Variants in PDGFRA observed in about 807,000 individuals in gnomAD.
PDGFRA encodes platelet-derived growth factor receptor alpha.
A neutral mutation model predicts 121.5 loss-of-function variants in PDGFRA; 25 were observed. The ratio of observed to expected loss-of-function variants is 0.21; its 90% CI spans 0.15 to 0.29. The LOEUF (loss-of-function observed/expected upper bound fraction) is 0.29. Among genes scored for constraint, PDGFRA ranks in the 10% least tolerant of loss-of-function variants. The pLI is 1.00. For synonymous variants in PDGFRA, 463 were observed against 494.8 expected, an observed-to-expected ratio of 0.94 and a Z score of 0.85; for missense variants, 1,008 against 1,345.1, an observed-to-expected ratio of 0.75 and a Z score of 3.92.
chr4:54,241,366 G>C (rs1336183596), intron 1 of PDGFRA, among the ~76,000 whole-genome samples: 1 of 152,064 alleles, frequency 6.6e-6, no homozygotes, highest in Admixed American at 6.5e-5. Flanking sequence ...CTTGTCCTAA[G>C]GTAGAATGAC....
chr4:54,260,364 C>CTG (rs1288030505), intron 2 of PDGFRA, among the ~76,000 whole-genome samples: 2 of 140,948 alleles, frequency 1.4e-5, no homozygotes, highest in Non-Finnish European at 3.1e-5. Context: ...TTTCTTCAGT[C>CTG]TGTGTCCTTG....
At chr4:54,242,669 T>A (rs1243720962) in intron 1 of PDGFRA, among the ~76,000 whole-genome samples, 2 of 152,216 alleles carry the variant, frequency 1.3e-5, no homozygotes, top group Non-Finnish European at 2.9e-5. Flanking sequence ...GTTTGTTGTT[T>A]GTTTTTCTTC....
chr4:54,249,619 A>C (rs1359846639), intron 1 of PDGFRA, among the ~76,000 whole-genome samples: 4 of 151,104 alleles, frequency 2.6e-5, no homozygotes, highest in Non-Finnish European at 5.9e-5. Context: ...GGAACATCAC[A>C]CTCTGGGGAC....
Position 54,278,500 on chromosome 4 carries a change from A to T in PDGFRA, c.2141A>T (p.Asp714Val), listed in dbSNP as rs1560483897. The T allele has an allele frequency of 6.2e-7, 1 of 1,614,110 alleles. No homozygotes were observed. The highest frequency in any genetic ancestry group is 8.5e-7 in the Non-Finnish European group (1 of 1,179,988). Residue 714 changes from aspartate (D) to valine (V), a missense_variant, in exon 15 of 23, where the codon GAT (aspartate) becomes GTT (valine). Physicochemically the swap from Asp to Val is radical, Grantham distance 152. Coordinates refer to ENST00000257290, the MANE Select transcript of PDGFRA (RefSeq NM_006206.6). Reference protein sequence around the residue: ...ELDIFGLNPADESTRSYVILS... With the variant: ...ELDIFGLNPAVESTRSYVILS... The stretch of plus-strand genomic sequence containing the variant: ...GATATCTTTGGATTGAACCCTGCTG[A>T]TGAAAGCACACGGAGGTGGGTGCAA...
In PDGFRA at chr4:54,297,371, C is replaced by T. The variant is rs890064733; in HGVS notation, c.*2099C>T. On this transcript the variant is annotated 3_prime_UTR_variant, in exon 23 of 23. Coordinates refer to ENST00000257290, the MANE Select transcript of PDGFRA (RefSeq NM_006206.6). ...CCCCAACTTTCTTATCCAACTTTTT[C>T]ATAGTAAGTGCGAAGACTGAGCCAG... 2 of 233,576 alleles carry T rather than the reference C, an allele frequency of 8.6e-6. No homozygotes were observed. Among genetic ancestry groups the T allele is most frequent in the Non-Finnish European group, 1.7e-5 (2 of 118,056 alleles). 14.5% of individuals were successfully genotyped at this position (233,576 alleles called of 1,614,324 possible).
chr4:54,238,496 T>A (rs1040062657), intron 1 of PDGFRA, among the ~76,000 whole-genome samples: 1 of 152,196 alleles, frequency 6.6e-6, no homozygotes, highest in African/African-American at 2.4e-5. Flanking sequence ...CTCCATTGTA[T>A]GAGTTAGCAT....
intron 1 of PDGFRA, among the ~76,000 whole-genome samples, chr4:54,230,761 T>C (rs2110161500): frequency 6.6e-6 from 1 of 152,298 alleles, no homozygotes; most frequent in East Asian, 1.9e-4. Context: ...TGGCCTTTTT[T>C]CCATTCCTCT....
chr4:54,264,874 C>T, intron 4 of PDGFRA, 45 bp from the exon 5 acceptor site: 1 of 1,533,542 alleles, frequency 6.5e-7, no homozygotes, highest in Non-Finnish European at 9.0e-7. Context: ...AAGATCCTGG[C>T]TATCCTGTGG....
intron 16 of PDGFRA, among the ~76,000 whole-genome samples, chr4:54,284,624 A>C (rs918553713): frequency 6.6e-6 from 1 of 151,702 alleles, no homozygotes; most frequent in African/African-American, 2.4e-5. Context: ...AAACAGGCAG[A>C]TCTTGTAAGA....
chr4:54,253,322 C>G (rs909533935), intron 1 of PDGFRA, among the ~76,000 whole-genome samples: 2 of 152,190 alleles, frequency 1.3e-5, no homozygotes, highest in African/African-American at 4.8e-5. Flanking sequence ...GGGCAAGCAA[C>G]CAATCAGACC....
chr4:54,264,817 A>G (rs1400484181), intron 4 of PDGFRA, 102 bp from the exon 5 acceptor site: 5 of 1,123,192 alleles, frequency 4.5e-6, no homozygotes, highest in Non-Finnish European at 6.5e-6. Flanking sequence ...TTTGCAAATT[A>G]TTTTTCAGGG....
chr4:54,249,034 A>G (rs937982239), intron 1 of PDGFRA, among the ~76,000 whole-genome samples: 1 of 152,238 alleles, frequency 6.6e-6, no homozygotes, highest in African/African-American at 2.4e-5. Context: ...ATCTCACACC[A>G]GTTAGAATGG....
intron 1 of PDGFRA, among the ~76,000 whole-genome samples, chr4:54,247,193 G>C (rs1721730794): frequency 6.6e-6 from 1 of 152,154 alleles, no homozygotes; most frequent in East Asian, 1.9e-4. Flanking sequence ...AATAGAAAAA[G>C]AGGGAATCCT....
In PDGFRA at chr4:54,267,548, A is replaced by G. The variant is rs78405886; in HGVS notation, c.932-4A>G. 9,597 of 1,614,094 alleles carry G rather than the reference A, an allele frequency of 5.9e-3. 515 individuals are homozygous for G. The African/African-American group carries it at 0.11, about 19-fold the overall frequency. On this transcript the variant is annotated splice_polypyrimidine_tract_variant and splice_region_variant and intron_variant, in intron 6 of 22. Transcript: ENST00000257290. ...TTATTTAATGGAAACTCTTCCCTGT[A>G]CAGAGAAAGGTTTCATTGAAATCAA... is the stretch of plus-strand genomic sequence containing the variant.
chr4:54,273,777 G>T (rs370139585), intron 10 of PDGFRA, 47 bp downstream of exon 10: 20 of 1,506,844 alleles, frequency 1.3e-5, no homozygotes, highest in Non-Finnish European at 1.7e-5. Flanking sequence ...AGCCGCATCT[G>T]CCCCAGGCGG....
At position 54,278,727 on chromosome 4, in the gene PDGFRA, C is replaced by G. The variant is rs952313600; in HGVS notation, c.2156+212C>G. On this transcript the variant is annotated intron_variant, in intron 15 of 22. Transcript: ENST00000257290. ...GGACTGGGGTGTCACATGGGAAGGC[C>G]TTGCTGATAGGTTTGAATGAGAGTG... is the stretch of plus-strand genomic sequence containing the variant. 1.7e-5 allele frequency: 11 copies of G among 662,136 alleles called. No homozygotes were observed. In the African/African-American group the frequency reaches 1.8e-4, roughly 11 times the overall value. 41.0% of individuals were successfully genotyped at this position (662,136 alleles called of 1,614,324 possible). A position where few individuals can be genotyped will look rare whatever the true frequency, so the allele number is the denominator to read the frequency against.
chr4:54,286,634 G>A (rs1724377962), intron 18 of PDGFRA, among the ~76,000 whole-genome samples: 1 of 152,140 alleles, frequency 6.6e-6, no homozygotes, highest in Non-Finnish European at 1.5e-5. Context: ...TGGGATGACA[G>A]GTGTGAGCCA....
At chr4:54,269,869 C>G (rs1213372305) in intron 7 of PDGFRA, among the ~76,000 whole-genome samples, 2 of 150,608 alleles carry the variant, frequency 1.3e-5, no homozygotes, top group African/African-American at 2.4e-5. Context: ...TGAGGCTGGT[C>G]TCGAACTCCT....
In PDGFRA at chr4:54,270,505, T is replaced by C. The variant is rs1393262961; in HGVS notation, c.1122-128T>C. ...ATTGAGAATTCCAGAAGAGATGATA[T>C]GGACAAGAAAAAAAGATGACTTTAC... On this transcript the variant is annotated intron_variant, in intron 7 of 22. Transcript: ENST00000257290. The C allele has an allele frequency of 9.1e-6, 6 of 661,116 alleles. No homozygotes were observed. In the Admixed American group the frequency reaches 1.1e-4, roughly 12 times the overall value. 41.0% of individuals were successfully genotyped at this position (661,116 alleles called of 1,614,324 possible). A position where few individuals can be genotyped will look rare whatever the true frequency, so the allele number is the denominator to read the frequency against.
Sources: allele counts gnomAD v4.1 joint callset (sites outside exome capture counted in the v4.1 genomes callset), GRCh38; gene constraint gnomAD v4.1.1; transcripts MANE v1.5; gene names NCBI Gene and HGNC (gene_info 2026-07-23, HGNC 2026-07-21).